The following BEND6 variants were observed in gnomAD, a reference collection of about 807,000 sequenced individuals.
The protein encoded by BEND6 is BEN domain-containing protein 6.
In BEND6, 24 loss-of-function variants were observed where a neutral mutation model predicts 31.8. That is an observed-to-expected ratio of 0.75 (90% confidence interval 0.55 to 1.06). The LOEUF is 1.06. Among genes scored for constraint, BEND6 ranks in the 50% least tolerant of loss-of-function variants. The probability of loss-of-function intolerance (pLI) is 0.00; values close to 1 mark genes in which losing one functional copy is unlikely to be tolerated. For missense variants in BEND6, 294 were observed against 327.4 expected, an observed-to-expected ratio of 0.90 and a Z score of 0.79; for synonymous variants, 109 against 114.6, an observed-to-expected ratio of 0.95 and a Z score of 0.31.
chr6:56,991,724 T>C (rs113077064), intron 2 of BEND6, among the ~76,000 whole-genome samples: 3,431 of 152,110 alleles, frequency 0.023, 119 homozygotes, highest in African/African-American at 0.077. Context: ...AGAATACACA[T>C]ATAAAAAATG....
intron 1 of BEND6, among the ~76,000 whole-genome samples, chr6:56,968,981 A>G (rs1825590752): frequency 6.6e-6 from 1 of 151,952 alleles, no homozygotes; most frequent in Non-Finnish European, 1.5e-5. Context: ...AGGCTGAGGC[A>G]GGAGAATCAC....
At chr6:56,979,619 T>C (rs1826001194) in intron 1 of BEND6, among the ~76,000 whole-genome samples, 1 of 152,230 alleles carries the variant, frequency 6.6e-6, no homozygotes, top group African/African-American at 2.4e-5. Flanking sequence ...TTAAGCAAGA[T>C]GGTTTTTGTT....
At chr6:57,004,519 C>G (rs1352847707) in intron 3 of BEND6, 8 of 723,680 alleles carry the variant, frequency 1.1e-5, no homozygotes, top group Non-Finnish European at 2.0e-5. Flanking sequence ...TCCGTGTAGC[C>G]ACCGCCACCG....
intron 3 of BEND6, among the ~76,000 whole-genome samples, chr6:56,996,095 T>A (rs532713630): frequency 1.0e-3 from 152 of 152,302 alleles, no homozygotes; most frequent in African/African-American, 3.5e-3. Context: ...ACTAGGACTT[T>A]TTTCTTTTCT....
chr6:56,958,409 C>G (rs1825169998), intron 1 of BEND6, among the ~76,000 whole-genome samples: 1 of 152,150 alleles, frequency 6.6e-6, no homozygotes, highest in East Asian at 1.9e-4. Context: ...CCACCCTAAG[C>G]TGTGTAACAA....
intron 3 of BEND6, chr6:57,010,769 A>T: frequency 3.5e-6 from 3 of 850,986 alleles, no homozygotes; most frequent in Non-Finnish European, 4.2e-6. Flanking sequence ...TATTTAACTG[A>T]TCTGAGTGAT....
Position 56,992,526 on chromosome 6 carries a change from G to A in BEND6, c.269G>A (p.Arg90Gln), listed in dbSNP as rs201589903. The change falls in exon 3 of 7, where the codon CGA (arginine) becomes CAA (glutamine). Residue 90 changes from arginine to glutamine, a missense_variant. Transcript: ENST00000370746. ...ACAAACACCCGGAAAGAAAACAGCC[G>A]ACTTCGACAGTCTTTGGTCATGCTT... The part of the protein sequence containing the change: ...KLTNTRKENS[R>Q]LRQSLVMLQV... The A allele has an allele frequency of 6.3e-5, 102 of 1,613,402 alleles. No individual in the cohort carries two copies. The highest frequency in any genetic ancestry group is 8.8e-5 in the South Asian group (8 of 90,926).
intron 1 of BEND6, among the ~76,000 whole-genome samples, 150 bp from the exon 2 acceptor site, chr6:56,981,559 CTT>C (rs1267844481): frequency 1.3e-5 from 2 of 152,112 alleles, no homozygotes; most frequent in Non-Finnish European, 2.9e-5. Context: ...AATTAGAAGA[CTT>C]TTGCATCAAA....
rs577541612 is a variant in BEND6, at chr6:56,973,755, C to T, written c.-100-7956C>T. On this transcript the variant is annotated intron_variant, in intron 1 of 6. Coordinates refer to ENST00000370746, the MANE Select transcript of BEND6 (RefSeq NM_152731.3). ...TGGGATGGCATTCTTTTTAAACTTACAATTTTTTTCTTTTTTTGAGACAGG... is the reference window on the plus strand; with the variant it reads ...TGGGATGGCATTCTTTTTAAACTTATAATTTTTTTCTTTTTTTGAGACAGG... Among the ~76,000 whole-genome samples the T allele has an allele frequency of 4.0e-4, 61 of 152,138 alleles. 1 individual carries two copies. Among genetic ancestry groups the T allele is most frequent in the Admixed American group, 3.1e-3 (48 of 15,278 alleles).
intron 1 of BEND6, 55 bp from the exon 2 acceptor site, chr6:56,981,656 T>C (rs1826073513): frequency 4.1e-6 from 3 of 727,666 alleles, no homozygotes; most frequent in Non-Finnish European, 6.6e-6. Context: ...AGTACCATTA[T>C]GAAACATACA....
chr6:56,987,402 A>G (rs1358262515), intron 2 of BEND6, among the ~76,000 whole-genome samples: 2 of 152,154 alleles, frequency 1.3e-5, no homozygotes, highest in African/African-American at 4.8e-5. Context: ...TCTCTGACCC[A>G]TTTATCTGGA....
chr6:57,016,862 T>C (rs1827576917), intron 4 of BEND6, among the ~76,000 whole-genome samples: 1 of 152,138 alleles, frequency 6.6e-6, no homozygotes, highest in South Asian at 2.1e-4. Context: ...GGATGTGACC[T>C]TTCAGAGGGC....
chr6:56,997,578 G>A (rs762873770), intron 3 of BEND6, among the ~76,000 whole-genome samples: 12 of 152,034 alleles, frequency 7.9e-5, no homozygotes, highest in Non-Finnish European at 1.5e-4. Context: ...TTTTGAGACG[G>A]AATCTCACTC....
chr6:57,014,537 T>C (rs1348322266), intron 3 of BEND6: 3 of 1,501,028 alleles, frequency 2.0e-6, no homozygotes, highest in African/African-American at 2.8e-5. Context: ...TAAGTTTCCA[T>C]TTGAAAAAAG....
chr6:57,022,164 C>CTTTTTTTTT (rs57185788), intron 6 of BEND6, among the ~76,000 whole-genome samples: 2 of 111,162 alleles, frequency 1.8e-5, no homozygotes, highest in Non-Finnish European at 3.9e-5. Context: ...TTTTCTTTTT[C>CTTTTTTTTT]TTTTTTTTTT....
intron 3 of BEND6, among the ~76,000 whole-genome samples, chr6:57,011,715 C>CAAAAAAAAAAAAAAAAAAAA (rs770049459): frequency 6.8e-4 from 23 of 33,674 alleles, no homozygotes; most frequent in Admixed American, 1.1e-3. Flanking sequence ...GGCCCTGTCT[C>CAAAAAAAAAAAAAAAAAAAA]AAAAAAAAAA....
At chr6:57,021,713 T>TAC (rs1161967587) in intron 6 of BEND6, among the ~76,000 whole-genome samples, 2 of 152,184 alleles carry the variant, frequency 1.3e-5, no homozygotes, top group Non-Finnish European at 2.9e-5. Context: ...AACATCCAAC[T>TAC]AAGTGACCAA....
chr6:57,014,866 T>G (rs761933893), intron 3 of BEND6, among the ~76,000 whole-genome samples: 3 of 152,208 alleles, frequency 2.0e-5, no homozygotes, highest in Non-Finnish European at 4.4e-5. Context: ...TAAAACATTC[T>G]TTTTAGTTAC....
intron 3 of BEND6, among the ~76,000 whole-genome samples, chr6:56,994,444 C>T (rs1477787770): frequency 3.4e-4 from 36 of 104,676 alleles, no homozygotes; most frequent in African/African-American, 1.3e-3. Context: ...GGCGACAGAG[C>T]GAGACTCCAT....
Sources: gnomAD v4.1 joint callset for allele counts (sites outside exome capture counted in the v4.1 genomes callset) on GRCh38, gnomAD v4.1.1 for gene constraint, MANE v1.5 for transcripts, NCBI Gene and HGNC (gene_info 2026-07-23, HGNC 2026-07-21) for gene names.